The following MYO16 variants were observed in gnomAD, a reference collection of about 807,000 sequenced individuals.
MYO16 encodes the protein unconventional myosin-XVI.
A neutral mutation model predicts 205.3 loss-of-function variants in MYO16; 94 were observed. That is an observed-to-expected ratio of 0.46 (90% confidence interval 0.39 to 0.54). The LOEUF (loss-of-function observed/expected upper bound fraction) is 0.54, where lower values mean the gene tolerates loss of function less well. Among genes scored for constraint, MYO16 ranks in the 20% least tolerant of loss-of-function variants. The pLI is 0.00. For synonymous variants in MYO16, 988 were observed against 954.0 expected (o/e 1.04, Z -0.66); for missense variants, 2,315 against 2,387.5 (o/e 0.97, Z 0.63).
chr13:109,104,499 C>T (rs1354716074), intron 28 of MYO16, among the ~76,000 whole-genome samples: 2 of 152,024 alleles, frequency 1.3e-5, no homozygotes, highest in Non-Finnish European at 2.9e-5. Flanking sequence ...TTCCCAACTA[C>T]ATCTTGGAAA....
chr13:108,506,979 T>C, the MYO16 span, among the ~76,000 whole-genome samples: 1 of 152,182 alleles, frequency 6.6e-6, no homozygotes, highest in African/African-American at 2.4e-5. Context: ...AATGTGATGT[T>C]TTACACTGAT....
In MYO16 at chr13:109,055,488, T is replaced by C. The variant is rs1887386576; in HGVS notation, c.3228T>C (p.Asp1076=). 2 of 1,613,220 alleles carry C rather than the reference T, an allele frequency of 1.2e-6. No homozygotes were observed. Among genetic ancestry groups the C allele is most frequent in the Non-Finnish European group, 1.7e-6 (2 of 1,179,404 alleles). ...PNNSKLPDTF[D]NFYVSAQLQY... Reference sequence around the variant, plus strand: ...ACTCAAAGCTGCCAGATACTTTTGATAATTTTTACGTGTCTGCTCAGCTAC... The same window carrying C: ...ACTCAAAGCTGCCAGATACTTTTGACAATTTTTACGTGTCTGCTCAGCTAC... Residue 1076 remains aspartate, a synonymous_variant, in exon 27 of 35, where the codon GAT becomes GAC. Coordinates refer to ENST00000457511, the MANE Select transcript of MYO16 (RefSeq NM_001198950.3). This position sits in a 1 kb window ranked among gnomAD's most constrained non-coding sequence, Gnocchi z 5.0.
At chr13:109,139,190 T>C (rs1241251495) in intron 31 of MYO16, among the ~76,000 whole-genome samples, 4 of 152,194 alleles carry the variant, frequency 2.6e-5, no homozygotes, top group African/African-American at 9.7e-5. Flanking sequence ...TTTGACCTCA[T>C]GATCCGACTA....
intron 16 of MYO16, among the ~76,000 whole-genome samples, chr13:108,928,422 G>A (rs4773011): frequency 0.9 from 137,287 of 152,290 alleles, 63,199 homozygotes; most frequent in Non-Finnish European, 1. Flanking sequence ...GGCATAGGAT[G>A]TATAATTACA....
chr13:108,798,919 A>G (rs959213257), intron 6 of MYO16, among the ~76,000 whole-genome samples: 1 of 145,168 alleles, frequency 6.9e-6, no homozygotes, highest in African/African-American at 2.6e-5. Flanking sequence ...GTTAGCCGGG[A>G]TGGTCTCGAT....
intron 1 of MYO16, among the ~76,000 whole-genome samples, chr13:108,599,492 A>G (rs939105867): frequency 6.6e-6 from 1 of 152,158 alleles, no homozygotes; most frequent in Admixed American, 6.5e-5. Context: ...TTGGGAAAAC[A>G]AGGGTTGTGT....
At chr13:109,050,401 T>A (rs779257880) in intron 24 of MYO16, among the ~76,000 whole-genome samples, 13 of 152,150 alleles carry the variant, frequency 8.5e-5, no homozygotes, top group Non-Finnish European at 1.8e-4. Flanking sequence ...TCTCGGCACA[T>A]CACATTCGGA....
At chr13:109,168,928 G>A (rs949981577) in intron 33 of MYO16, among the ~76,000 whole-genome samples, 3 of 152,086 alleles carry the variant, frequency 2.0e-5, no homozygotes, top group Non-Finnish European at 2.9e-5. Flanking sequence ...GTATGGCATC[G>A]TGGCCATGGC....
chr13:108,832,665 T>G (rs1876687215), intron 9 of MYO16, among the ~76,000 whole-genome samples: 1 of 152,190 alleles, frequency 6.6e-6, no homozygotes, highest in Non-Finnish European at 1.5e-5. Flanking sequence ...CTTGTATAGT[T>G]TCACTTCACA....
chr13:108,998,265 A>G (rs765191175), intron 21 of MYO16, among the ~76,000 whole-genome samples: 2 of 152,188 alleles, frequency 1.3e-5, no homozygotes, highest in Non-Finnish European at 2.9e-5. Flanking sequence ...TTGTAAGTGC[A>G]TGGTAGCAGT....
intron 16 of MYO16, among the ~76,000 whole-genome samples, chr13:108,942,100 G>T (rs566036243): frequency 6.6e-6 from 1 of 152,256 alleles, no homozygotes; most frequent in African/African-American, 2.4e-5. Context: ...TACCAGAGAG[G>T]CTAACAGGCC....
At position 109,022,626 on chromosome 13, in the gene MYO16, ATATT is replaced by A. The variant is rs1359244022; in HGVS notation, c.2796+2716_2796+2719del. 4.9e-4 allele frequency among the ~76,000 whole-genome samples: 67 copies of A among 135,980 alleles called. 4 individuals are homozygous for A. Among genetic ancestry groups the A allele is most frequent in the African/African-American group, 1.6e-3 (60 of 37,510 alleles). 89.2% of individuals were successfully genotyped at this position (135,980 alleles called of 152,430 possible). A position where few individuals can be genotyped will look rare whatever the true frequency, so the allele number is the denominator to read the frequency against. ...TATACGCATATAAACATATGTATAT[ATATT>A]ATATATATGCATATAAACATATGTA... is the stretch of plus-strand genomic sequence containing the variant. On this transcript the variant is annotated intron_variant, in intron 23 of 34. Transcript: ENST00000457511.
the MYO16 span, among the ~76,000 whole-genome samples, chr13:108,530,808 A>G: frequency 6.6e-6 from 1 of 152,098 alleles, no homozygotes; most frequent in South Asian, 2.1e-4. Context: ...CCTATTTGGG[A>G]TAATTATCTT....
intron 1 of MYO16, among the ~76,000 whole-genome samples, chr13:108,614,367 G>T (rs994392854): frequency 2.6e-5 from 4 of 152,014 alleles, no homozygotes; most frequent in African/African-American, 7.2e-5. Flanking sequence ...TGGATTGAAA[G>T]ACATTATATT....
At chr13:108,991,830 G>A (rs1160673873) in intron 20 of MYO16, among the ~76,000 whole-genome samples, 1 of 152,228 alleles carries the variant, frequency 6.6e-6, no homozygotes, top group Non-Finnish European at 1.5e-5. Flanking sequence ...ATAGCCACGA[G>A]AACTATTTCA....
chr13:108,899,328 CAGG>C (rs10603629), intron 15 of MYO16, among the ~76,000 whole-genome samples: 2,508 of 151,634 alleles, frequency 0.017, 58 homozygotes, highest in African/African-American at 0.057. Flanking sequence ...GAGGCTGAGA[CAGG>C]AGAATCACTT....
intron 11 of MYO16, among the ~76,000 whole-genome samples, chr13:108,856,725 C>A (rs933761565): frequency 2.0e-5 from 3 of 152,080 alleles, no homozygotes; most frequent in Admixed American, 2.0e-4. Context: ...TTTAAAGTGA[C>A]ATTTCATCTA....
chr13:108,988,804 C>T (rs899358032), intron 20 of MYO16, among the ~76,000 whole-genome samples: 1 of 152,158 alleles, frequency 6.6e-6, no homozygotes, highest in Non-Finnish European at 1.5e-5. Context: ...GGTAATCGGA[C>T]CTGAGAGCCT....
intron 16 of MYO16, among the ~76,000 whole-genome samples, chr13:108,934,394 G>A (rs1053290237): frequency 6.6e-5 from 10 of 152,050 alleles, no homozygotes; most frequent in East Asian, 1.9e-4. Flanking sequence ...GGGTGTCATC[G>A]TTTGTGAAGT....
Sources: allele counts gnomAD v4.1 joint callset (sites outside exome capture counted in the v4.1 genomes callset), GRCh38; gene constraint gnomAD v4.1.1; non-coding constraint Gnocchi (gnomAD v3.1); transcripts MANE v1.5; gene names NCBI Gene and HGNC (gene_info 2026-07-23, HGNC 2026-07-21).